GLT8D2: variants seen among roughly 807,000 people sequenced by gnomAD.
GLT8D2 encodes the protein glycosyltransferase 8 domain-containing protein 2.
In GLT8D2, 45 loss-of-function variants were observed where a neutral mutation model predicts 44.5. The ratio of observed to expected loss-of-function variants is 1.01; its 90% CI spans 0.80 to 1.30. The LOEUF (loss-of-function observed/expected upper bound fraction) is 1.30. GLT8D2 is among the 50% of genes most tolerant of loss of function. The pLI is 0.00. For synonymous variants in GLT8D2, 156 were observed against 157.2 expected, an observed-to-expected ratio of 0.99 and a Z score of 0.06; for missense variants, 400 against 430.4, an observed-to-expected ratio of 0.93 and a Z score of 0.62.
intron 1 of GLT8D2, among the ~76,000 whole-genome samples, chr12:104,035,458 G>C (rs1014583336): frequency 6.6e-6 from 1 of 152,176 alleles, no homozygotes; most frequent in Non-Finnish European, 1.5e-5. Context: ...AACAAACAGT[G>C]TACAGAGGAC....
chr12:104,047,566 A>G (rs1881307973), intron 1 of GLT8D2, among the ~76,000 whole-genome samples: 1 of 152,088 alleles, frequency 6.6e-6, no homozygotes, highest in Non-Finnish European at 1.5e-5. Flanking sequence ...TCAGCCTCCC[A>G]AAGTGCTGGG....
chr12:103,993,054 G>A (rs564826155), intron 10 of GLT8D2, among the ~76,000 whole-genome samples: 3 of 152,208 alleles, frequency 2.0e-5, no homozygotes, highest in Non-Finnish European at 2.9e-5. Flanking sequence ...ATTTGCGGCC[G>A]GGCATGGTGG....
intron 3 of GLT8D2, among the ~76,000 whole-genome samples, chr12:104,018,640 G>C (rs1165522156): frequency 6.6e-6 from 1 of 152,198 alleles, no homozygotes; most frequent in Admixed American, 6.5e-5. Context: ...TTGGGAGGCT[G>C]AGGCGGGTGG....
At chr12:104,004,137 T>C (rs778008386) in intron 4 of GLT8D2, among the ~76,000 whole-genome samples, 16 of 152,142 alleles carry the variant, frequency 1.1e-4, no homozygotes, top group Admixed American at 2.6e-4. Flanking sequence ...ACCCCATGAT[T>C]ATATCAATAG....
chr12:103,989,818 A>G (rs1304862553), intron 10 of GLT8D2, among the ~76,000 whole-genome samples: 2 of 152,096 alleles, frequency 1.3e-5, no homozygotes, highest in Non-Finnish European at 2.9e-5. Context: ...ACAGAAGACA[A>G]AATAGAGCAT....
intron 10 of GLT8D2, 140 bp downstream of exon 10, chr12:103,993,252 A>G: frequency 1.5e-6 from 1 of 687,750 alleles, no homozygotes; most frequent in Middle Eastern, 3.8e-4. Flanking sequence ...AATTGCTTGA[A>G]CCCAGGAAGC....
chr12:104,025,067 C>CAAAA (rs34885430), intron 1 of GLT8D2, among the ~76,000 whole-genome samples: 5 of 67,180 alleles, frequency 7.4e-5, no homozygotes, highest in African/African-American at 1.6e-4. Context: ...GAGACTTTGT[C>CAAAA]AAAAAAAAAA....
intron 10 of GLT8D2, among the ~76,000 whole-genome samples, chr12:103,990,078 A>AATATAT (rs57178471): frequency 8.2e-5 from 10 of 122,272 alleles, no homozygotes; most frequent in Non-Finnish European, 1.2e-4. Context: ...TATGTGTACA[A>AATATAT]ATATATATAT....
intron 1 of GLT8D2, among the ~76,000 whole-genome samples, chr12:104,038,714 T>C (rs900952390): frequency 2.0e-5 from 3 of 152,272 alleles, no homozygotes; most frequent in Admixed American, 1.3e-4. Context: ...AAAATGGCCA[T>C]ACTGCCCAAG....
intron 3 of GLT8D2, among the ~76,000 whole-genome samples, 188 bp downstream of exon 3, chr12:104,019,442 T>C (rs1473539912): frequency 6.6e-6 from 1 of 152,108 alleles, no homozygotes; most frequent in African/African-American, 2.4e-5. Context: ...AGTCCACTTC[T>C]GACTAAAATA....
In GLT8D2 at chr12:104,014,302, C is replaced by A. The variant is rs900722510; in HGVS notation, c.112+711G>T. The A allele has an allele frequency of 3.6e-5, 25 of 700,472 alleles. No homozygotes were observed. In the Admixed American group the frequency reaches 4.6e-4, roughly 13 times the overall value. The allele number at this position is 700,472 out of a possible 1,614,324, so 43.4% of individuals were successfully genotyped here. On this transcript the variant is annotated intron_variant, in intron 4 of 10. Coordinates refer to ENST00000360814, the MANE Select transcript of GLT8D2 (RefSeq NM_001384711.1). The stretch of plus-strand genomic sequence containing the variant: ...CCCTGGAGGTCGAGGCTGCAGGGAG[C>A]TGCTATTGTGCCACTGTATTTGAGC...
At position 104,028,297 on chromosome 12, in the gene GLT8D2, C is replaced by CGT. The variant is rs200991626; in HGVS notation, c.-163-6808_-163-6807dup. 3.9e-3 allele frequency among the ~76,000 whole-genome samples: 594 copies of CGT among 151,320 alleles called. 3 individuals carry two copies. In the East Asian group the frequency reaches 0.04, roughly 10 times the overall value. On this transcript the variant is annotated intron_variant, in intron 1 of 10. Transcript: ENST00000360814. Reference sequence around the variant, plus strand: ...AAAATGATGTGTGTGTGTGCATGTGCGTGTGTGTGTGTGTATAATTGCATA... The same window carrying CGT: ...AAAATGATGTGTGTGTGTGCATGTGCGTGTGTGTGTGTGTGTATAATTGCATA...
At chr12:104,063,134 C>T (rs575894202) in intron 1 of GLT8D2, among the ~76,000 whole-genome samples, 1 of 152,306 alleles carries the variant, frequency 6.6e-6, no homozygotes, top group East Asian at 1.9e-4. Context: ...GAAAAATTGT[C>T]TTCCATGAAA....
At chr12:104,019,008 C>T (rs1376270842) in intron 3 of GLT8D2, among the ~76,000 whole-genome samples, 3 of 151,838 alleles carry the variant, frequency 2.0e-5, no homozygotes, top group African/African-American at 7.3e-5. Flanking sequence ...ATTACAAATG[C>T]TAAATTAGCT....
intron 5 of GLT8D2, 84 bp downstream of exon 5, chr12:104,003,051 A>T (rs1247592182): frequency 5.0e-6 from 5 of 1,002,182 alleles, no homozygotes; most frequent in Non-Finnish European, 7.5e-6. Flanking sequence ...AGAAAAGAAG[A>T]AGAAGAGGTA....
rs535543144 is a variant in GLT8D2 at position 104,015,549 on chromosome 12, G to T, written c.20-444C>A. Reference sequence around the variant, plus strand: ...GCTGCAGTGAGCCAAAATTACTCCAGCCTGGGTGACAGAGCCAGACCCTGT... The same window carrying T: ...GCTGCAGTGAGCCAAAATTACTCCATCCTGGGTGACAGAGCCAGACCCTGT... On this transcript the variant is annotated intron_variant, in intron 3 of 10. Coordinates refer to ENST00000360814, the MANE Select transcript of GLT8D2 (RefSeq NM_001384711.1). Among the ~76,000 whole-genome samples the T allele has an allele frequency of 1.5e-3, 233 of 150,966 alleles. 2 individuals are homozygous for T. Among genetic ancestry groups the T allele is most frequent in the African/African-American group, 5.2e-3 (212 of 41,072 alleles).
intron 8 of GLT8D2, among the ~76,000 whole-genome samples, chr12:103,995,352 C>T (rs903988888): frequency 6.6e-5 from 10 of 152,196 alleles, no homozygotes; most frequent in Non-Finnish European, 1.3e-4. Flanking sequence ...TCCTCTTGAT[C>T]CCTCAGCAAC....
chr12:103,991,957 A>C (rs1307873613), intron 10 of GLT8D2, among the ~76,000 whole-genome samples: 2 of 152,230 alleles, frequency 1.3e-5, no homozygotes, highest in East Asian at 3.8e-4. Context: ...CTTGGTAAAT[A>C]TAAGTGCATA....
In GLT8D2 at chr12:104,030,542, C is replaced by T. The variant is rs577821745; in HGVS notation, c.-163-9051G>A. Among the ~76,000 whole-genome samples, 135 of 151,990 alleles carry T rather than the reference C, an allele frequency of 8.9e-4. 1 individual carries two copies. The highest frequency in any genetic ancestry group is 3.2e-3 in the African/African-American group (132 of 41,466). ...CAAAAACAAAAACAAACAAGTGGGA[C>T]TACATCAAACTAAAAAGTTTCTGCA... On this transcript the variant is annotated intron_variant, in intron 1 of 10. Transcript: ENST00000360814.
Sources: gnomAD v4.1 joint callset for allele counts (sites outside exome capture counted in the v4.1 genomes callset) on GRCh38, gnomAD v4.1.1 for gene constraint, MANE v1.5 for transcripts, NCBI Gene and HGNC (gene_info 2026-07-23, HGNC 2026-07-21) for gene names.